Variants in COL8A1 observed in about 807,000 individuals in gnomAD.
The protein encoded by COL8A1 is collagen type VIII alpha 1 chain, also known as collagen alpha-1(VIII) chain.
A neutral mutation model predicts 42.7 loss-of-function variants in COL8A1; 21 were observed. The observed-to-expected ratio is 0.49, with a 90% CI of 0.35 to 0.71. The LOEUF (loss-of-function observed/expected upper bound fraction) is 0.71. Among genes scored for constraint, COL8A1 ranks in the 30% least tolerant of loss-of-function variants. The pLI is 0.01. For synonymous variants in COL8A1, 367 were observed against 369.1 expected (o/e 0.99, Z 0.06); for missense variants, 788 against 962.4 (o/e 0.82, Z 2.40).
chr3:99,747,678 T>G (rs1247857980), intron 2 of COL8A1, among the ~76,000 whole-genome samples: 3 of 152,216 alleles, frequency 2.0e-5, no homozygotes, highest in Non-Finnish European at 4.4e-5. Flanking sequence ...TGACTGTAAT[T>G]CTGAGTATAT....
In COL8A1 at chr3:99,794,911, G is replaced by C; in HGVS notation, c.1010G>C (p.Gly337Ala). Residue 337 changes from glycine (G) to alanine (A), a missense_variant, in exon 4 of 4, where the codon GGA becomes GCA. By Grantham distance (60) the Gly-to-Ala change is moderately conservative (BLOSUM62 0). Transcript: ENST00000652472. The surrounding 1 kb of genome is among the most constrained non-coding windows in gnomAD (Gnocchi z 4.3). ...PGFPGGKGEQGLPGLPGPPGL... is the reference protein window; with the variant it reads ...PGFPGGKGEQALPGLPGPPGL... ...TTTCCAGGTGGCAAAGGGGAGCAAG[G>C]ACTGCCAGGGCTACCAGGACCCCCA... The C allele has an allele frequency of 6.3e-7, 1 of 1,599,874 alleles. No individual in the cohort carries two copies.
intron 1 of COL8A1, among the ~76,000 whole-genome samples, chr3:99,644,998 A>C (rs901855412): frequency 1.3e-5 from 2 of 152,134 alleles, no homozygotes; most frequent in Non-Finnish European, 2.9e-5. Context: ...CAGAGGGGTT[A>C]AGTTGCAGCT....
At chr3:99,724,145 C>T (rs551127417) in intron 1 of COL8A1, among the ~76,000 whole-genome samples, 2 of 152,086 alleles carry the variant, frequency 1.3e-5, no homozygotes, top group East Asian at 3.9e-4. Flanking sequence ...ACTGGATGCT[C>T]AAAAAATAAT....
intron 1 of COL8A1, among the ~76,000 whole-genome samples, chr3:99,671,099 T>A (rs766186627): frequency 4.2e-4 from 64 of 151,788 alleles, no homozygotes; most frequent in Non-Finnish European, 7.1e-4. Flanking sequence ...AGGAAAAAAA[T>A]TTTTAAAAGA....
chr3:99,715,079 A>G (rs1939958464), intron 1 of COL8A1, among the ~76,000 whole-genome samples: 1 of 152,080 alleles, frequency 6.6e-6, no homozygotes, highest in African/African-American at 2.4e-5. Context: ...TTGGAGATTC[A>G]CATAGGACGT....
chr3:99,735,364 C>T (rs200119816), intron 1 of COL8A1, among the ~76,000 whole-genome samples: 59 of 29,816 alleles, frequency 2.0e-3, no homozygotes, highest in African/African-American at 3.6e-3. Flanking sequence ...GCATGAAGGG[C>T]TGTTAAATTT....
At chr3:99,655,744 G>A (rs1401680684) in intron 1 of COL8A1, among the ~76,000 whole-genome samples, 3 of 152,158 alleles carry the variant, frequency 2.0e-5, no homozygotes, top group Admixed American at 2.0e-4. Flanking sequence ...ATATTTGTAA[G>A]CAGTCATGTG....
chr3:99,778,616 T>TA (rs71625538), intron 2 of COL8A1, among the ~76,000 whole-genome samples: 11,830 of 144,258 alleles, frequency 0.082, 548 homozygotes, highest in Middle Eastern at 0.11. Context: ...GCTTTTAAAA[T>TA]AAAAAAAAAA....
At chr3:99,672,003 T>C (rs1344578800) in intron 1 of COL8A1, among the ~76,000 whole-genome samples, 1 of 152,060 alleles carries the variant, frequency 6.6e-6, no homozygotes, top group Non-Finnish European at 1.5e-5. Context: ...TTCATTCAAT[T>C]TTATTGTCTT....
intron 1 of COL8A1, among the ~76,000 whole-genome samples, chr3:99,744,490 A>G (rs1295998564): frequency 6.6e-6 from 1 of 152,246 alleles, no homozygotes; most frequent in Non-Finnish European, 1.5e-5. Context: ...AATAATTTAT[A>G]ACTCAAATAC....
chr3:99,780,123 C>T (rs1211051196), intron 2 of COL8A1, among the ~76,000 whole-genome samples: 2 of 152,172 alleles, frequency 1.3e-5, no homozygotes, highest in South Asian at 2.1e-4. Flanking sequence ...ATAGCTAACA[C>T]TTATAAAGTG....
chr3:99,751,435 G>GT (rs1941146307), intron 2 of COL8A1, among the ~76,000 whole-genome samples: 1 of 152,182 alleles, frequency 6.6e-6, no homozygotes, highest in Admixed American at 6.5e-5. Context: ...GTGGGTGCCT[G>GT]TAATCCCAGC....
At chr3:99,647,379 G>A (rs1937681396) in intron 1 of COL8A1, among the ~76,000 whole-genome samples, 2 of 152,148 alleles carry the variant, frequency 1.3e-5, no homozygotes, top group African/African-American at 4.8e-5. Context: ...CTAAAACCCA[G>A]GGGAAACAGG....
chr3:99,686,339 A>G (rs1327140559), intron 1 of COL8A1, among the ~76,000 whole-genome samples: 1 of 152,250 alleles, frequency 6.6e-6, no homozygotes, highest in African/African-American at 2.4e-5. Flanking sequence ...AAGAAAAGAG[A>G]ACAATAAAGT....
chr3:99,654,713 G>A (rs916811682), intron 1 of COL8A1, among the ~76,000 whole-genome samples: 25 of 152,010 alleles, frequency 1.6e-4, no homozygotes, highest in African/African-American at 2.9e-4. Context: ...ACTTTAGCCC[G>A]GGAGGTGGAG....
intron 2 of COL8A1, among the ~76,000 whole-genome samples, chr3:99,767,323 G>A (rs545983368): frequency 6.3e-4 from 96 of 152,244 alleles, no homozygotes; most frequent in African/African-American, 2.1e-3. Flanking sequence ...TTGGCCCAGA[G>A]ACATTTTTAA....
At chr3:99,782,830 T>C (rs1941820019) in intron 2 of COL8A1, among the ~76,000 whole-genome samples, 1 of 152,218 alleles carries the variant, frequency 6.6e-6, no homozygotes, top group Non-Finnish European at 1.5e-5. Context: ...CTAGTCAGAA[T>C]AGGTGACTTA....
intron 2 of COL8A1, among the ~76,000 whole-genome samples, chr3:99,787,018 C>T (rs1181004500): frequency 6.6e-6 from 1 of 152,144 alleles, no homozygotes; most frequent in Admixed American, 6.6e-5. Context: ...ACACACCACA[C>T]ACAACAGAGA....
At chr3:99,763,957 C>T (rs1047167127) in intron 2 of COL8A1, among the ~76,000 whole-genome samples, 7 of 151,878 alleles carry the variant, frequency 4.6e-5, no homozygotes, top group African/African-American at 7.3e-5. Flanking sequence ...CCATCTACTC[C>T]GCCAGGCTTC....
Sources: gnomAD v4.1 joint callset for allele counts (sites outside exome capture counted in the v4.1 genomes callset) on GRCh38, gnomAD v4.1.1 for gene constraint, Gnocchi (gnomAD v3.1) non-coding constraint, MANE v1.5 for transcripts, NCBI Gene and HGNC (gene_info 2026-07-23, HGNC 2026-07-21) for gene names.